The following EBF3 variants were observed in gnomAD, a reference collection of about 807,000 sequenced individuals.
The protein encoded by EBF3 is transcription factor COE3.
Under a neutral mutation model 77.1 loss-of-function variants are expected in EBF3, and 18 were observed. That is an observed-to-expected ratio of 0.23 (90% CI 0.16 to 0.35). The LOEUF is 0.35. Ranked by LOEUF, EBF3 falls within the 10% of genes least tolerant of loss-of-function variation. The pLI, the probability that EBF3 is intolerant of heterozygous loss-of-function variation, is 1.00. For synonymous variants in EBF3, 350 were observed against 343.5 expected (o/e 1.02, Z -0.21); for missense variants, 558 against 860.0 (o/e 0.65, Z 4.39).
chr10:129,921,705 A>T (rs567627932), intron 6 of EBF3, among the ~76,000 whole-genome samples: 33 of 152,302 alleles, frequency 2.2e-4, no homozygotes, highest in Admixed American at 1.9e-3. Flanking sequence ...GCCTGAAGAG[A>T]GGACCCCTGG....
Position 129,943,990 on chromosome 10 carries a change from G to A in EBF3, c.554+13268C>T, listed in dbSNP as rs1454933650. Among the ~76,000 whole-genome samples, 1 of 152,174 alleles carries A rather than the reference G, an allele frequency of 6.6e-6. No homozygotes were observed. Reference sequence around the variant, plus strand: ...ATCTCCCCAGACCTTCCCACCCTATGCGTGATTTCTGAGTTGATTAACATT... The same window carrying A: ...ATCTCCCCAGACCTTCCCACCCTATACGTGATTTCTGAGTTGATTAACATT... On this transcript the variant is annotated intron_variant, in intron 6 of 16. Coordinates refer to ENST00000440978, the MANE Select transcript of EBF3 (RefSeq NM_001375380.1). The surrounding 1 kb of genome is among the most constrained non-coding windows in gnomAD (Gnocchi z 8.8).
rs190431354 is a variant in EBF3 at position 129,878,467 on chromosome 10, G to A, written c.555-618C>T. 8.9e-4 allele frequency among the ~76,000 whole-genome samples: 136 copies of A among 152,040 alleles called. No homozygotes were observed. The Middle Eastern group carries it at 0.014, about 15-fold the overall frequency. Reference sequence around the variant, plus strand: ...GCAGATGACTTGAGGTCAGGAGTTCGAGACAAGCCTGGCCAACATGGTGAA... The same window carrying A: ...GCAGATGACTTGAGGTCAGGAGTTCAAGACAAGCCTGGCCAACATGGTGAA... On this transcript the variant is annotated intron_variant, in intron 6 of 16. Transcript: ENST00000440978.
intron 7 of EBF3, among the ~76,000 whole-genome samples, chr10:129,875,505 G>A (rs886744364): frequency 1.3e-5 from 2 of 152,088 alleles, no homozygotes; most frequent in African/African-American, 2.4e-5. Flanking sequence ...CGGCTTTTTC[G>A]TTTTAAATCT....
At chr10:129,865,964 T>TCGG (rs1339818485) in intron 10 of EBF3, among the ~76,000 whole-genome samples, 2 of 152,172 alleles carry the variant, frequency 1.3e-5, no homozygotes, top group Non-Finnish European at 2.9e-5. Context: ...ACCCAGCCAC[T>TCGG]GCACATGCAG....
intron 6 of EBF3, among the ~76,000 whole-genome samples, chr10:129,883,074 GA>G (rs796961808): frequency 6.6e-5 from 10 of 152,340 alleles, no homozygotes; most frequent in African/African-American, 2.2e-4. Context: ...TCACTTGTTT[GA>G]AATTACCTAC....
intron 6 of EBF3, among the ~76,000 whole-genome samples, chr10:129,953,191 G>A (rs374902181): frequency 4.0e-5 from 6 of 150,988 alleles, no homozygotes; most frequent in East Asian, 2.0e-4. Context: ...GGGTAGGGGG[G>A]GCGCAGAGCT....
intron 6 of EBF3, among the ~76,000 whole-genome samples, chr10:129,881,015 C>G (rs927712366): frequency 6.6e-6 from 1 of 152,172 alleles, no homozygotes; most frequent in Non-Finnish European, 1.5e-5. Context: ...AAAGGTAATT[C>G]TCATCCTTTA....
chr10:129,859,976 C>A (rs541051604), intron 10 of EBF3, among the ~76,000 whole-genome samples: 1 of 152,168 alleles, frequency 6.6e-6, no homozygotes, highest in Non-Finnish European at 1.5e-5. Flanking sequence ...GGTCCTCTAC[C>A]GACATGTTTG....
rs766795814 is a variant in EBF3 at position 129,843,104 on chromosome 10, G to A, written c.1194+33C>T. 7 of 1,604,716 alleles carry A rather than the reference G, an allele frequency of 4.4e-6. No homozygotes were observed. The African/African-American group carries it at 6.7e-5, about 15-fold the overall frequency. On this transcript the variant is annotated intron_variant, in intron 12 of 16. Transcript: ENST00000440978. ...TGCCCACGGGTTCTGGCATGGGGGGGAGGATGGGCGAGGGGAGCCGCCCTC... is the reference window on the plus strand; with the variant it reads ...TGCCCACGGGTTCTGGCATGGGGGGAAGGATGGGCGAGGGGAGCCGCCCTC...
chr10:129,869,757 G>A (rs760703682), intron 8 of EBF3, among the ~76,000 whole-genome samples: 3 of 152,152 alleles, frequency 2.0e-5, no homozygotes, highest in East Asian at 1.9e-4. Flanking sequence ...CATTCCACGC[G>A]CATCTCCCTC....
At chr10:129,941,746 T>G (rs796688413) in intron 6 of EBF3, among the ~76,000 whole-genome samples, 12 of 152,298 alleles carry the variant, frequency 7.9e-5, no homozygotes, top group African/African-American at 2.6e-4. Context: ...AGGCAGAGCT[T>G]GGGGACAGGA....
Position 129,932,538 on chromosome 10 carries a change from C to T in EBF3, c.554+24720G>A, listed in dbSNP as rs1857092465. On this transcript the variant is annotated intron_variant, in intron 6 of 16. Transcript: ENST00000440978. ...ATTCCCATTGCCTAAAAGATCAATA[C>T]ATCACCATTTCCAAGGGCAGGACAG... Among the ~76,000 whole-genome samples, 4 of 152,234 alleles carry T rather than the reference C, an allele frequency of 2.6e-5. No homozygotes were observed. The South Asian group carries it at 8.3e-4, about 31-fold the overall frequency.
At chr10:129,881,014 T>C (rs981834571) in intron 6 of EBF3, among the ~76,000 whole-genome samples, 2 of 152,178 alleles carry the variant, frequency 1.3e-5, no homozygotes, top group African/African-American at 4.8e-5. Flanking sequence ...AAAAGGTAAT[T>C]CTCATCCTTT....
intron 6 of EBF3, among the ~76,000 whole-genome samples, chr10:129,926,508 G>A (rs1385084020): frequency 6.6e-6 from 1 of 152,132 alleles, no homozygotes; most frequent in Admixed American, 6.5e-5. Context: ...GGACCACTCA[G>A]CCCAAAGCAG....
intron 6 of EBF3, among the ~76,000 whole-genome samples, chr10:129,914,804 C>T (rs533429960): frequency 6.6e-6 from 1 of 152,212 alleles, no homozygotes; most frequent in Non-Finnish European, 1.5e-5. Flanking sequence ...TCAGGCCCCC[C>T]ACCTTCTCCC....
chr10:129,928,101 C>T (rs113659494), intron 6 of EBF3, among the ~76,000 whole-genome samples: 1 of 152,180 alleles, frequency 6.6e-6, no homozygotes, highest in Non-Finnish European at 1.5e-5. Context: ...AAACTCAAGA[C>T]GTCCAGCCGA....
intron 6 of EBF3, among the ~76,000 whole-genome samples, chr10:129,927,666 T>C (rs571397322): frequency 4.6e-5 from 7 of 152,328 alleles, no homozygotes; most frequent in African/African-American, 9.6e-5. Flanking sequence ...CATTTCTTCA[T>C]AGTCGTCTTC....
chr10:129,910,972 G>C (rs765920374), intron 6 of EBF3, among the ~76,000 whole-genome samples: 1 of 152,176 alleles, frequency 6.6e-6, no homozygotes, highest in Non-Finnish European at 1.5e-5. Context: ...TACCCACACA[G>C]AGCTCAGCGC....
Position 129,964,140 on chromosome 10 carries a change from CT to C in EBF3, c.-373del, listed in dbSNP as rs1859752662. On this transcript the variant is annotated 5_prime_UTR_variant, in exon 1 of 17. Transcript: ENST00000440978. This position sits in a 1 kb window ranked among gnomAD's most constrained non-coding sequence, Gnocchi z 4.5. Reference sequence around the variant, plus strand: ...ATCGCCCGCTTCTGGCGCGGCCCGCCTGCTCCAAAGACAAATAAACGGGGCA... The same window carrying C: ...ATCGCCCGCTTCTGGCGCGGCCCGCCGCTCCAAAGACAAATAAACGGGGCA... 1 of 984,904 alleles carries C rather than the reference CT, an allele frequency of 1.0e-6. No individual in the cohort carries two copies. The highest frequency in any genetic ancestry group is 1.7e-5 in the African/African-American group (1 of 57,198). 61.0% of individuals were successfully genotyped at this position (984,904 alleles called of 1,614,324 possible).
Sources: gnomAD v4.1 joint callset for allele counts (sites outside exome capture counted in the v4.1 genomes callset) on GRCh38, gnomAD v4.1.1 for gene constraint, Gnocchi (gnomAD v3.1) non-coding constraint, MANE v1.5 for transcripts, NCBI Gene and HGNC (gene_info 2026-07-23, HGNC 2026-07-21) for gene names.